Variants in PPP2R5E observed in about 807,000 individuals in gnomAD.
PPP2R5E encodes the protein protein phosphatase 2 regulatory subunit B'epsilon.
In PPP2R5E, 4 loss-of-function variants were observed where a neutral mutation model predicts 65.3. The ratio of observed to expected loss-of-function variants is 0.06; its 90% CI spans 0.03 to 0.14. The LOEUF is 0.14. PPP2R5E is among the 10% of genes least tolerant of loss of function. The pLI is 1.00. For synonymous variants in PPP2R5E, 183 were observed against 187.4 expected (o/e 0.98, Z 0.19); for missense variants, 274 against 556.1 (o/e 0.49, Z 5.10).
At chr14:63,378,082 G>C (rs17101140) in intron 13 of PPP2R5E, among the ~76,000 whole-genome samples, 3,578 of 152,200 alleles carry the variant, frequency 0.024, 96 homozygotes, top group African/African-American at 0.066. Context: ...ATCACTTTTT[G>C]TTTCTCAGTA....
chr14:63,481,495 C>CAA (rs59764365), intron 2 of PPP2R5E, among the ~76,000 whole-genome samples: 87 of 92,650 alleles, frequency 9.4e-4, no homozygotes, highest in South Asian at 1.6e-3. Flanking sequence ...GACTCCATCT[C>CAA]AAAAAAAAAA....
chr14:63,463,316 T>G (rs1250854575), intron 2 of PPP2R5E, among the ~76,000 whole-genome samples: 1 of 149,778 alleles, frequency 6.7e-6, no homozygotes, highest in African/African-American at 2.5e-5. Context: ...ATTTTTTGTA[T>G]CTTTTAGTAG....
chr14:63,372,812 T>A lies in PPP2R5E; in HGVS notation c.*3197A>T, dbSNP rs886488660. The A allele has an allele frequency of 5.9e-5, 9 of 152,140 alleles. No homozygotes were observed. The highest frequency in any genetic ancestry group is 2.2e-4 in the African/African-American group (9 of 41,428). 9.4% of individuals were successfully genotyped at this position (152,140 alleles called of 1,614,324 possible). On this transcript the variant is annotated 3_prime_UTR_variant, in exon 14 of 14. Transcript: ENST00000337537. ...TCTGCACCCTGGACTATCCCACGCATAGGAGGTACAAAATAAATTAAACCC... is the reference window on the plus strand; with the variant it reads ...TCTGCACCCTGGACTATCCCACGCAAAGGAGGTACAAAATAAATTAAACCC...
intron 8 of PPP2R5E, 69 bp from the exon 9 acceptor site, chr14:63,392,094 T>C (rs1419872897): frequency 3.2e-6 from 4 of 1,241,684 alleles, no homozygotes; most frequent in African/African-American, 3.1e-5. Flanking sequence ...AGATACACTA[T>C]TAAAACTTCC....
intron 2 of PPP2R5E, among the ~76,000 whole-genome samples, chr14:63,521,956 C>CCCCTCCCCCTCT (rs1464375617): frequency 7.5e-6 from 1 of 133,764 alleles, no homozygotes; most frequent in South Asian, 2.5e-4. Flanking sequence ...CCTCCCCCTC[C>CCCCTCCCCCTCT]CCCTCCCCCT....
chr14:63,465,575 G>A (rs780900117), intron 2 of PPP2R5E, among the ~76,000 whole-genome samples: 5 of 152,034 alleles, frequency 3.3e-5, no homozygotes, highest in South Asian at 2.1e-4. Context: ...GCCGTGAGCC[G>A]TGATTGCACC....
At chr14:63,468,037 T>G (rs573413989) in intron 2 of PPP2R5E, among the ~76,000 whole-genome samples, 3 of 152,290 alleles carry the variant, frequency 2.0e-5, no homozygotes, top group Admixed American at 2.0e-4. Flanking sequence ...TACATAAAAA[T>G]AAAAACACAT....
At position 63,461,216 on chromosome 14, in the gene PPP2R5E, A is replaced by G. The variant is rs532804619; in HGVS notation, c.158-7331T>C. Among the ~76,000 whole-genome samples the G allele has an allele frequency of 9.3e-4, 142 of 152,316 alleles. 1 individual carries two copies. The highest frequency in any genetic ancestry group is 3.4e-3 in the Middle Eastern group (1 of 294). On this transcript the variant is annotated intron_variant, in intron 2 of 13. Coordinates refer to ENST00000337537, the MANE Select transcript of PPP2R5E (RefSeq NM_006246.5). ...GAGGGAAAGAACCGAGGCCTTTTGA[A>G]TATGAGGAATTCCTAGAGCTTGACA...
At chr14:63,488,523 A>G (rs1300181333) in intron 2 of PPP2R5E, among the ~76,000 whole-genome samples, 1 of 152,004 alleles carries the variant, frequency 6.6e-6, no homozygotes, top group African/African-American at 2.4e-5. Flanking sequence ...TTTTAAGAGA[A>G]TCCCCTAGAC....
At chr14:63,476,076 A>T (rs1336104090) in intron 2 of PPP2R5E, among the ~76,000 whole-genome samples, 1 of 152,232 alleles carries the variant, frequency 6.6e-6, no homozygotes, top group Middle Eastern at 3.2e-3. Context: ...TCTGTCATTG[A>T]TAAACCTAAA....
intron 2 of PPP2R5E, among the ~76,000 whole-genome samples, chr14:63,470,274 G>A (rs1222451562): frequency 6.6e-6 from 1 of 151,984 alleles, no homozygotes; most frequent in Non-Finnish European, 1.5e-5. Flanking sequence ...GCTTCACTAT[G>A]TTACCCAGGG....
chr14:63,502,435 T>C (rs981853401), intron 2 of PPP2R5E, among the ~76,000 whole-genome samples: 1 of 152,036 alleles, frequency 6.6e-6, no homozygotes. Flanking sequence ...CCCAGAACTT[T>C]AGGAGGCCGA....
chr14:63,380,646 A>G (rs1299006669), intron 13 of PPP2R5E, among the ~76,000 whole-genome samples: 1 of 151,930 alleles, frequency 6.6e-6, no homozygotes, highest in Non-Finnish European at 1.5e-5. Flanking sequence ...TGGGCAACAG[A>G]GCAAGACTCC....
chr14:63,480,137 C>A (rs1890620602), intron 2 of PPP2R5E, among the ~76,000 whole-genome samples: 1 of 152,088 alleles, frequency 6.6e-6, no homozygotes, highest in Non-Finnish European at 1.5e-5. Context: ...AATTCATTTC[C>A]ACAGCCTCAA....
chr14:63,454,446 ACT>A (rs1889013810), intron 2 of PPP2R5E, among the ~76,000 whole-genome samples: 1 of 152,124 alleles, frequency 6.6e-6, no homozygotes. Context: ...AACAATACCA[ACT>A]CTCTCAAAAA....
At chr14:63,521,039 A>C (rs1047815792) in intron 2 of PPP2R5E, among the ~76,000 whole-genome samples, 6 of 151,734 alleles carry the variant, frequency 4.0e-5, no homozygotes, top group Non-Finnish European at 7.4e-5. Context: ...ACTCTGTCTC[A>C]AAAAAAAGAA....
chr14:63,533,482 AC>A, intron 2 of PPP2R5E, among the ~76,000 whole-genome samples: 1 of 151,722 alleles, frequency 6.6e-6, no homozygotes. Context: ...AATGGCTTGA[AC>A]CCGGAAGGCA....
intron 3 of PPP2R5E, among the ~76,000 whole-genome samples, chr14:63,447,282 G>T (rs1888531707): frequency 6.6e-6 from 1 of 152,192 alleles, no homozygotes; most frequent in Non-Finnish European, 1.5e-5. Flanking sequence ...CTGTTGTTTG[G>T]TGTAGCCACC....
chr14:63,530,089 T>C (rs1311696813), intron 2 of PPP2R5E, among the ~76,000 whole-genome samples: 1 of 152,092 alleles, frequency 6.6e-6, no homozygotes, highest in Non-Finnish European at 1.5e-5. Flanking sequence ...AAGCAATCAA[T>C]TCTCTCCTCC....
Sources: allele counts gnomAD v4.1 joint callset (sites outside exome capture counted in the v4.1 genomes callset), GRCh38; gene constraint gnomAD v4.1.1; transcripts MANE v1.5; gene names NCBI Gene and HGNC (gene_info 2026-07-23, HGNC 2026-07-21).